Variants in TMEM17 observed in about 807,000 individuals in gnomAD.
TMEM17 encodes transmembrane protein 17.
Under a neutral mutation model 19.1 loss-of-function variants are expected in TMEM17, and 15 were observed. The observed-to-expected ratio is 0.78, with a 90% CI of 0.52 to 1.21. The LOEUF (loss-of-function observed/expected upper bound fraction) is 1.21. Ranked by LOEUF, TMEM17 falls within the 50% of genes most tolerant of loss-of-function variation. The probability of loss-of-function intolerance (pLI) is 0.00; values close to 1 mark genes in which losing one functional copy is unlikely to be tolerated. For missense variants in TMEM17, 245 were observed against 242.3 expected (o/e 1.01, Z -0.07); for synonymous variants, 103 against 86.9 (o/e 1.19, Z -1.03).
At chr2:62,480,456 T>A in the TMEM17 span, among the ~76,000 whole-genome samples, 1 of 152,204 alleles carries the variant, frequency 6.6e-6, no homozygotes, top group African/African-American at 2.4e-5. Context: ...TGGTTATCTG[T>A]TCTTTTTGAG....
chr2:62,460,858 G>T, the TMEM17 span, among the ~76,000 whole-genome samples: 1 of 152,304 alleles, frequency 6.6e-6, no homozygotes, highest in South Asian at 2.1e-4. Context: ...TGTGTGCCAG[G>T]CACTCCGGAG....
the TMEM17 span, among the ~76,000 whole-genome samples, chr2:62,462,847 C>T: frequency 6.6e-6 from 1 of 152,200 alleles, no homozygotes; most frequent in African/African-American, 2.4e-5. Flanking sequence ...CTTTCTCCCA[C>T]CCATTCCCAC....
chr2:62,502,863 T>C, intron 1 of TMEM17, 69 bp from the exon 2 acceptor site: 4 of 866,564 alleles, frequency 4.6e-6, no homozygotes, highest in East Asian at 5.5e-5. Context: ...TATATCCTAT[T>C]CCCTAGAATT....
chr2:62,490,815 G>A, the TMEM17 span, among the ~76,000 whole-genome samples: 193 of 152,124 alleles, frequency 1.3e-3, no homozygotes, highest in Non-Finnish European at 1.8e-3. Flanking sequence ...GGTGGCTCAC[G>A]CCTGTAATCC....
chr2:62,500,966 G>A lies in TMEM17; in HGVS notation c.*243C>T. On this transcript the variant is annotated 3_prime_UTR_variant, in exon 4 of 4. Transcript: ENST00000335390. ...CATAGATTTCTACACTCCTGAAAAA[G>A]ACAACAACATCAAAAAAAATTAAGA... 1 of 370,758 alleles carries A rather than the reference G, an allele frequency of 2.7e-6. No individual in the cohort carries two copies. The highest frequency in any genetic ancestry group is 4.3e-5 in the Admixed American group (1 of 23,174). The allele number at this position is 370,758 out of a possible 1,614,324, so 23.0% of individuals were successfully genotyped here.
chr2:62,453,583 G>A, the TMEM17 span, among the ~76,000 whole-genome samples: 2 of 152,152 alleles, frequency 1.3e-5, no homozygotes, highest in Admixed American at 6.5e-5. Context: ...TGCTATTAGA[G>A]CCTGACAGCT....
chr2:62,461,295 G>T, the TMEM17 span, among the ~76,000 whole-genome samples: 1 of 152,238 alleles, frequency 6.6e-6, no homozygotes, highest in African/African-American at 2.4e-5. Flanking sequence ...AGGAACGGGG[G>T]TTGGAGATGA....
chr2:62,462,231 G>T, the TMEM17 span, among the ~76,000 whole-genome samples: 213 of 152,188 alleles, frequency 1.4e-3, no homozygotes, highest in Non-Finnish European at 7.8e-4. Context: ...TCCCTTTGCC[G>T]CCATAGGGGT....
At chr2:62,453,736 TAC>T in the TMEM17 span, among the ~76,000 whole-genome samples, 1 of 152,260 alleles carries the variant, frequency 6.6e-6, no homozygotes, top group African/African-American at 2.4e-5. Context: ...GTTTTAGGCC[TAC>T]ACTTGTCATT....
the TMEM17 span, among the ~76,000 whole-genome samples, chr2:62,482,433 G>A: frequency 4.6e-5 from 7 of 152,350 alleles, no homozygotes; most frequent in South Asian, 1.5e-3. Context: ...CTGAGAAGTT[G>A]TAGTGAGCAT....
chr2:62,478,132 C>T, the TMEM17 span, among the ~76,000 whole-genome samples: 1 of 152,164 alleles, frequency 6.6e-6, no homozygotes, highest in Non-Finnish European at 1.5e-5. Flanking sequence ...GGTAGCATTT[C>T]ATGTAGGCAG....
At chr2:62,496,942 A>G (rs1381710243), downstream of TMEM17, among the ~76,000 whole-genome samples, 2 of 152,204 alleles carry the variant, frequency 1.3e-5, no homozygotes, top group African/African-American at 4.8e-5. Context: ...TGACAGAGCA[A>G]GACCCAGTCT....
chr2:62,492,501 GATTC>G, the TMEM17 span, among the ~76,000 whole-genome samples: 1 of 152,180 alleles, frequency 6.6e-6, no homozygotes, highest in Non-Finnish European at 1.5e-5. Context: ...TTAAGATTAG[GATTC>G]ATTTTCATGC....
At chr2:62,498,291 G>A (rs550665932), downstream of TMEM17, among the ~76,000 whole-genome samples, 1 of 152,134 alleles carries the variant, frequency 6.6e-6, no homozygotes, top group Non-Finnish European at 1.5e-5. Flanking sequence ...GGATGCTGAG[G>A]CAGGAGGATC....
At chr2:62,460,394 T>C in the TMEM17 span, among the ~76,000 whole-genome samples, 5 of 152,188 alleles carry the variant, frequency 3.3e-5, no homozygotes, top group African/African-American at 1.2e-4. Flanking sequence ...GTCTCAGTCA[T>C]TGAGCTTCTA....
downstream of TMEM17, among the ~76,000 whole-genome samples, chr2:62,495,229 T>C (rs1185755034): frequency 6.6e-6 from 1 of 152,236 alleles, no homozygotes; most frequent in African/African-American, 2.4e-5. Context: ...ATATGTTCCA[T>C]GCTGTCCTAC....
downstream of TMEM17, among the ~76,000 whole-genome samples, chr2:62,495,635 A>C (rs924217322): frequency 6.7e-6 from 1 of 148,816 alleles, no homozygotes. Flanking sequence ...TTACATGCTA[A>C]CCAATTTACA....
rs1399227486 is a variant in TMEM17, at chr2:62,502,554, A to G, written c.205-4T>C. ...AGTAGTCAGGTAAGATTGAATACTAAAAGAAAAGCCAAAACATGTTTGTAA... is the reference window on the plus strand; with the variant it reads ...AGTAGTCAGGTAAGATTGAATACTAGAAGAAAAGCCAAAACATGTTTGTAA... On this transcript the variant is annotated splice_polypyrimidine_tract_variant and splice_region_variant and intron_variant, in intron 2 of 3. Transcript: ENST00000335390. The G allele has an allele frequency of 1.9e-6, 3 of 1,563,878 alleles. No individual in the cohort carries two copies. The highest frequency in any genetic ancestry group is 2.3e-5 in the South Asian group (2 of 86,708).
the TMEM17 span, among the ~76,000 whole-genome samples, chr2:62,487,932 T>G: frequency 1.3e-5 from 2 of 152,334 alleles, no homozygotes; most frequent in African/African-American, 4.8e-5. Flanking sequence ...TGACCTGAGG[T>G]GATCCGCCTG....
Sources: allele counts gnomAD v4.1 joint callset (sites outside exome capture counted in the v4.1 genomes callset), GRCh38; gene constraint gnomAD v4.1.1; transcripts MANE v1.5; gene names NCBI Gene and HGNC (gene_info 2026-07-23, HGNC 2026-07-21).